Variants in KIAA1671 observed in about 807,000 individuals in gnomAD.
KIAA1671 encodes the protein KIAA1671.
KIAA1671 carries 52 observed loss-of-function variants against 131.2 expected under a neutral mutation model. The ratio of observed to expected loss-of-function variants is 0.40; its 90% confidence interval spans 0.32 to 0.50. KIAA1671 has a LOEUF of 0.50. Ranked by LOEUF, KIAA1671 falls within the 20% of genes least tolerant of loss-of-function variation. The pLI is 0.73. For missense variants in KIAA1671, 2,360 were observed against 2,364.2 expected, an observed-to-expected ratio of 1.00 and a Z score of 0.04; for synonymous variants, 1,003 against 961.6, an observed-to-expected ratio of 1.04 and a Z score of -0.80.
intron 6 of KIAA1671, among the ~76,000 whole-genome samples, chr22:25,093,860 C>T (rs553691485): frequency 1.9e-4 from 25 of 129,574 alleles, no homozygotes; most frequent in Middle Eastern, 4.0e-3. Flanking sequence ...CTCTCTCTCT[C>T]TCTCTCTCTC....
At position 25,028,151 on chromosome 22, in the gene KIAA1671, A is replaced by T. The variant is rs1375841492; in HGVS notation, c.152A>T (p.Lys51Met). Residue 51 changes from lysine (K) to methionine (M), a missense_variant, in exon 3 of 13, where the codon AAG (lysine) becomes ATG (methionine). Lys to Met is a moderately conservative substitution (Grantham distance 95). Transcript: ENST00000358431. ...GAPPARILEA[K>M]SPLRSPARLL... is the part of the protein sequence containing the mutation. ...CCCCCAGCCCGGATCTTGGAAGCGA[A>T]GAGCCCCCTGCGGAGCCCGGCCCGG... 6 of 1,550,928 alleles carry T rather than the reference A, an allele frequency of 3.9e-6. No individual in the cohort carries two copies. Among genetic ancestry groups the T allele is most frequent in the Admixed American group, 2.0e-5 (1 of 50,930 alleles).
intron 1 of KIAA1671, among the ~76,000 whole-genome samples, chr22:24,960,927 C>T (rs968775606): frequency 2.0e-5 from 3 of 152,144 alleles, no homozygotes; most frequent in Non-Finnish European, 4.4e-5. Context: ...TGTCTTTGGC[C>T]ATAGGACATG....
chr22:25,124,830 C>T (rs772735306), intron 6 of KIAA1671, among the ~76,000 whole-genome samples: 11 of 152,104 alleles, frequency 7.2e-5, no homozygotes, highest in East Asian at 1.9e-4. Flanking sequence ...GATCATAGCT[C>T]ACTGCAGCCT....
chr22:25,076,985 C>T (rs1489026950), intron 6 of KIAA1671, among the ~76,000 whole-genome samples: 2 of 152,180 alleles, frequency 1.3e-5, no homozygotes, highest in African/African-American at 4.8e-5. Flanking sequence ...GTGCTAGAGC[C>T]TGTATTTGAA....
chr22:24,988,280 C>CAAA (rs59935051), intron 1 of KIAA1671, among the ~76,000 whole-genome samples: 3 of 89,314 alleles, frequency 3.4e-5, no homozygotes, highest in Admixed American at 1.3e-4. Context: ...AACTCCATCT[C>CAAA]AAAAAAAAAA....
At chr22:24,999,374 G>A (rs1012703997) in intron 1 of KIAA1671, among the ~76,000 whole-genome samples, 2 of 152,074 alleles carry the variant, frequency 1.3e-5, no homozygotes, top group East Asian at 3.9e-4. Flanking sequence ...GGGACTACAG[G>A]TATGCACCAC....
chr22:24,981,062 CTGTGTGTGTGTGTG>C (rs35906863), intron 1 of KIAA1671, among the ~76,000 whole-genome samples: 1 of 148,808 alleles, frequency 6.7e-6, no homozygotes, highest in African/African-American at 2.5e-5. Context: ...TTGTTATTTT[CTGTGTGTGTGTGTG>C]TGTGTGTGTG....
In KIAA1671 at chr22:25,186,787, G is replaced by C. The variant is rs186825040; in HGVS notation, c.5342+1668G>C. Among the ~76,000 whole-genome samples the C allele has an allele frequency of 4.9e-3, 747 of 152,364 alleles. 15 individuals carry two copies. The highest frequency in any genetic ancestry group is 0.017 in the African/African-American group (710 of 41,592). Reference sequence around the variant, plus strand: ...TAAAATACATAGCGCAGAGTGGGCTGTGGGAACCAGAAGGTGAGACATTAG... The same window carrying C: ...TAAAATACATAGCGCAGAGTGGGCTCTGGGAACCAGAAGGTGAGACATTAG... On this transcript the variant is annotated intron_variant, in intron 11 of 12. Coordinates refer to ENST00000358431, the MANE Select transcript of KIAA1671 (RefSeq NM_001145206.2).
Position 25,041,438 on chromosome 22 carries a change from C to T in KIAA1671, c.4308C>T (p.Pro1436=). 1 of 1,551,744 alleles carries T rather than the reference C, an allele frequency of 6.4e-7. No individual in the cohort carries two copies. ...CCAGAGAGAGGAGGCGAGAGCAGCC[C>T]AAAGGGAGGCCCAGCCTTACTGGAG... ...HEARERRREQ[P]KGRPSLTGEN... is the part of the protein sequence containing the mutation. Residue 1436 remains proline (P), a synonymous_variant, in exon 5 of 13, where the codon CCC becomes CCT. Coordinates refer to ENST00000358431, the MANE Select transcript of KIAA1671 (RefSeq NM_001145206.2).
chr22:24,992,809 C>T (rs1180468950), intron 1 of KIAA1671, among the ~76,000 whole-genome samples: 54 of 41,730 alleles, frequency 1.3e-3, no homozygotes, highest in Non-Finnish European at 9.9e-4. Flanking sequence ...AGCGAGACTC[C>T]GTCTCAAAAA....
At chr22:25,085,795 G>GAGGA in intron 6 of KIAA1671, among the ~76,000 whole-genome samples, 1 of 145,128 alleles carries the variant, frequency 6.9e-6, no homozygotes, top group African/African-American at 2.5e-5. Flanking sequence ...GGGAGGGAGG[G>GAGGA]AGGGAGGGAG....
At chr22:25,120,750 T>C (rs1159104484) in intron 6 of KIAA1671, among the ~76,000 whole-genome samples, 1 of 152,252 alleles carries the variant, frequency 6.6e-6, no homozygotes, top group Non-Finnish European at 1.5e-5. Context: ...GCCAACCCTC[T>C]TTCTCTTTAT....
intron 11 of KIAA1671, among the ~76,000 whole-genome samples, chr22:25,186,625 A>G (rs1934484254): frequency 6.6e-6 from 1 of 152,168 alleles, no homozygotes; most frequent in South Asian, 2.1e-4. Flanking sequence ...CTTCCAAGAG[A>G]AGGAGATACT....
In KIAA1671 at chr22:25,192,727, A is replaced by T. The variant is rs764197824; in HGVS notation, c.*326A>T. The stretch of plus-strand genomic sequence containing the variant: ...ATTTCTACCTATTTTAGACACCTTC[A>T]TCAGCTCCAAGAACATCAGTGTGAG... On this transcript the variant is annotated 3_prime_UTR_variant, in exon 13 of 13. Coordinates refer to ENST00000358431, the MANE Select transcript of KIAA1671 (RefSeq NM_001145206.2). 1 of 152,224 alleles carries T rather than the reference A, an allele frequency of 6.6e-6. No individual in the cohort carries two copies. Among genetic ancestry groups the T allele is most frequent in the African/African-American group, 2.4e-5 (1 of 41,466 alleles). The allele number at this position is 152,224 out of a possible 1,614,324, so 9.4% of individuals were successfully genotyped here.
chr22:25,161,645 G>C (rs1933447997), intron 6 of KIAA1671, among the ~76,000 whole-genome samples: 1 of 152,230 alleles, frequency 6.6e-6, no homozygotes, highest in South Asian at 2.1e-4. Flanking sequence ...ATGGGAGCAC[G>C]TGTGCCGAGG....
chr22:24,996,220 G>A (rs150464975), intron 1 of KIAA1671, among the ~76,000 whole-genome samples: 2 of 151,980 alleles, frequency 1.3e-5, no homozygotes, highest in African/African-American at 4.8e-5. Flanking sequence ...CTCGGTGGAG[G>A]GCTCCCTCTC....
chr22:25,142,643 G>A (rs1601352141), intron 6 of KIAA1671, among the ~76,000 whole-genome samples: 3 of 152,208 alleles, frequency 2.0e-5, no homozygotes, highest in African/African-American at 2.4e-5. Context: ...AGGCCGAGGC[G>A]GGTGGGTCAC....
chr22:25,001,008 C>T (rs866059795), intron 1 of KIAA1671, among the ~76,000 whole-genome samples: 40 of 151,228 alleles, frequency 2.6e-4, no homozygotes, highest in Middle Eastern at 3.4e-3. Flanking sequence ...TTATTGGTCA[C>T]GTGGAGATTT....
chr22:24,954,762 C>G (rs1389942724), intron 1 of KIAA1671, among the ~76,000 whole-genome samples: 2 of 151,992 alleles, frequency 1.3e-5, no homozygotes, highest in Admixed American at 1.3e-4. Flanking sequence ...TGCTTTTTTT[C>G]GTTTGTTTTG....
Sources: allele counts gnomAD v4.1 joint callset (sites outside exome capture counted in the v4.1 genomes callset), GRCh38; gene constraint gnomAD v4.1.1; transcripts MANE v1.5; gene names NCBI Gene and HGNC (gene_info 2026-07-23, HGNC 2026-07-21).